Variants in PROX1 observed in about 807,000 individuals in gnomAD.
PROX1 encodes the protein prospero homeobox 1.
A neutral mutation model predicts 58.8 loss-of-function variants in PROX1; 7 were observed. That is an observed-to-expected ratio of 0.12 (90% CI 0.07 to 0.22). The LOEUF (loss-of-function observed/expected upper bound fraction) is 0.22, where lower values mean the gene tolerates loss of function less well. PROX1 is among the 10% of genes least tolerant of loss of function. PROX1 has a pLI of 1.00. For missense variants in PROX1, 675 were observed against 927.8 expected (o/e 0.73, Z 3.54); for synonymous variants, 350 against 358.3 (o/e 0.98, Z 0.26).
upstream of PROX1, chr1:213,984,481 G>A (rs1243111759): frequency 1.3e-5 from 2 of 152,254 alleles, no homozygotes; most frequent in African/African-American, 2.4e-5. Context: ...TCACTCAGGA[G>A]GCTTCTAAGC....
At chr1:214,024,820 T>C (rs1480518575) in intron 4 of PROX1, among the ~76,000 whole-genome samples, 4 of 152,200 alleles carry the variant, frequency 2.6e-5, no homozygotes, top group Admixed American at 1.3e-4. Flanking sequence ...GCTATGTTGT[T>C]TTTGGATAAT....
At chr1:214,005,947 T>C (rs1297268098) in intron 3 of PROX1, among the ~76,000 whole-genome samples, 1 of 151,834 alleles carries the variant, frequency 6.6e-6, no homozygotes, top group Non-Finnish European at 1.5e-5. Context: ...TGTATGCGTG[T>C]GTGTGTGTGT....
upstream of PROX1, chr1:213,985,243 C>T (rs1189677907): frequency 6.6e-6 from 1 of 152,232 alleles, no homozygotes; most frequent in African/African-American, 2.4e-5. Flanking sequence ...CTCCTTGTCT[C>T]CAGGCTTCTC....
chr1:213,997,358 T>C lies in PROX1; in HGVS notation c.823T>C (p.Ser275Pro), dbSNP rs1663308180. ...DSENDEDGNL[S>P]EDSMRSEILD... ...GGAAAATGATGAAGATGGTAACCTG[T>C]CTGAAGACAGCATGCGCTCGGAGAT... Residue 275 changes from serine (S) to proline (P), a missense_variant, in exon 2 of 5, where the codon TCT (serine) becomes CCT (proline). This residue lies in a region of PROX1 where 403 missense variants were observed against 477.4 expected (regional missense o/e 0.84). Coordinates refer to ENST00000366958, the MANE Select transcript of PROX1 (RefSeq NM_001270616.2). This position sits in a 1 kb window ranked among gnomAD's most constrained non-coding sequence, Gnocchi z 7.1. 1 of 1,613,954 alleles carries C rather than the reference T, an allele frequency of 6.2e-7. No homozygotes were observed.
intron 3 of PROX1, among the ~76,000 whole-genome samples, chr1:214,006,041 T>C (rs1456600261): frequency 6.6e-6 from 1 of 152,150 alleles, no homozygotes; most frequent in African/African-American, 2.4e-5. Context: ...TGTAACTTTT[T>C]AAAACATAGA....
chr1:214,038,511 A>G lies in PROX1; in HGVS notation c.*2677A>G, dbSNP rs539606792. 1 of 152,094 alleles carries G rather than the reference A, an allele frequency of 6.6e-6. No homozygotes were observed. The highest frequency in any genetic ancestry group is 1.9e-4 in the East Asian group (1 of 5,184). The allele number at this position is 152,094 out of a possible 1,614,324, so 9.4% of individuals were successfully genotyped here. A position where few individuals can be genotyped will look rare whatever the true frequency, so the allele number is the denominator to read the frequency against. On this transcript the variant is annotated 3_prime_UTR_variant, in exon 5 of 5. Coordinates refer to ENST00000366958, the MANE Select transcript of PROX1 (RefSeq NM_001270616.2). ...TGGTGAAGGATGAGGGACAGTTTAC[A>G]TAGGAAAAGAAAAAAAAAAGTCTAA...
At position 214,038,792 on chromosome 1, in the gene PROX1, G is replaced by C. The variant is rs745990737; in HGVS notation, c.*2958G>C. 4 of 151,998 alleles carry C rather than the reference G, an allele frequency of 2.6e-5. No homozygotes were observed. The highest frequency in any genetic ancestry group is 4.8e-5 in the African/African-American group (2 of 41,428). 9.4% of individuals were successfully genotyped at this position (151,998 alleles called of 1,614,324 possible). A position where few individuals can be genotyped will look rare whatever the true frequency, so the allele number is the denominator to read the frequency against. On this transcript the variant is annotated 3_prime_UTR_variant, in exon 5 of 5. Transcript: ENST00000366958. ...TAAACACTAGATTTTTTTTCTGGCTGTTTGACATAACGTTGATAGCTATGC... is the reference window on the plus strand; with the variant it reads ...TAAACACTAGATTTTTTTTCTGGCTCTTTGACATAACGTTGATAGCTATGC...
At chr1:214,033,904 T>A (rs1477576659) in intron 4 of PROX1, among the ~76,000 whole-genome samples, 2 of 152,122 alleles carry the variant, frequency 1.3e-5, no homozygotes, top group Non-Finnish European at 2.9e-5. Flanking sequence ...CTGTAGAAAA[T>A]CCACATGAAT....
chr1:214,018,458 A>G (rs964368504), intron 4 of PROX1, among the ~76,000 whole-genome samples: 2 of 152,184 alleles, frequency 1.3e-5, no homozygotes, highest in Non-Finnish European at 2.9e-5. Flanking sequence ...AAACAAACGC[A>G]TTTTGTCTTC....
intron 1 of PROX1, among the ~76,000 whole-genome samples, chr1:213,993,944 T>A (rs1353745439): frequency 6.6e-6 from 1 of 152,212 alleles, no homozygotes; most frequent in African/African-American, 2.4e-5. Flanking sequence ...GTTTGGTGAA[T>A]ATCAAGGGAG....
chr1:214,004,257 A>G (rs1354064401), intron 2 of PROX1, among the ~76,000 whole-genome samples: 2 of 152,216 alleles, frequency 1.3e-5, no homozygotes, highest in East Asian at 3.8e-4. Context: ...CTGGGGGAGA[A>G]TCAGGAAGCC....
Position 213,997,374 on chromosome 1 carries a change from G to C in PROX1, c.839G>C (p.Arg280Pro), listed in dbSNP as rs112763420. 7 of 1,614,080 alleles carry C rather than the reference G, an allele frequency of 4.3e-6. No individual in the cohort carries two copies. The highest frequency in any genetic ancestry group is 4.0e-5 in the African/African-American group (3 of 75,026). The change falls in exon 2 of 5, where the codon CGC becomes CCC. Residue 280 changes from arginine to proline, a missense_variant. Arg to Pro is a moderately radical substitution (Grantham distance 103, BLOSUM62 -2). This residue lies in a region of PROX1 where 403 missense variants were observed against 477.4 expected (regional missense o/e 0.84). Coordinates refer to ENST00000366958, the MANE Select transcript of PROX1 (RefSeq NM_001270616.2). The surrounding 1 kb of genome is among the most constrained non-coding windows in gnomAD (Gnocchi z 7.1). ...GGTAACCTGTCTGAAGACAGCATGC[G>C]CTCGGAGATCCTGGATGCCAGGGCC... Reference protein sequence around the residue: ...EDGNLSEDSMRSEILDARAQD... With the variant: ...EDGNLSEDSMPSEILDARAQD...
rs1261107438 is a variant in PROX1, at chr1:214,037,863, G to A, written c.*2029G>A. 6.6e-6 allele frequency: 1 copy of A among 152,236 alleles called. No homozygotes were observed. Among genetic ancestry groups the A allele is most frequent in the African/African-American group, 2.4e-5 (1 of 41,462 alleles). The allele number at this position is 152,236 out of a possible 1,614,324, so 9.4% of individuals were successfully genotyped here. On this transcript the variant is annotated 3_prime_UTR_variant, in exon 5 of 5. Coordinates refer to ENST00000366958, the MANE Select transcript of PROX1 (RefSeq NM_001270616.2). ...AATAGGGAAGTAATCCCAACTTGTA[G>A]TCACAGTTTTCTGACTGGCTTTGTT...
intron 4 of PROX1, among the ~76,000 whole-genome samples, chr1:214,016,507 C>T (rs1463638549): frequency 2.6e-5 from 4 of 152,052 alleles, no homozygotes; most frequent in Admixed American, 2.6e-4. Context: ...AGCTGCTGAG[C>T]CGTTTAAATA....
intron 1 of PROX1, among the ~76,000 whole-genome samples, chr1:213,988,929 C>T (rs1320562629): frequency 6.6e-6 from 1 of 151,946 alleles, no homozygotes; most frequent in African/African-American, 2.4e-5. Context: ...CGAGAGGGAC[C>T]GGGTCGCTTT....
chr1:214,040,206 T>TA lies in PROX1; in HGVS notation c.*4376dup, dbSNP rs1664966418. 1.3e-5 allele frequency: 2 copies of TA among 152,188 alleles called. No individual in the cohort carries two copies. The highest frequency in any genetic ancestry group is 2.1e-4 in the South Asian group (1 of 4,828). 9.4% of individuals were successfully genotyped at this position (152,188 alleles called of 1,614,324 possible). On this transcript the variant is annotated 3_prime_UTR_variant, in exon 5 of 5. Coordinates refer to ENST00000366958, the MANE Select transcript of PROX1 (RefSeq NM_001270616.2). ...AGATCTGTTGGTTGTAAACCATCTA[T>TA]AAAACTAAAGCTAAAATGCTCATAT...
chr1:214,002,412 CTTTT>C (rs774337530), intron 2 of PROX1, among the ~76,000 whole-genome samples: 3 of 116,372 alleles, frequency 2.6e-5, no homozygotes, highest in Admixed American at 9.6e-5. Context: ...TTTCTTTTTT[CTTTT>C]TTTTTTTTTT....
intron 4 of PROX1, among the ~76,000 whole-genome samples, chr1:214,031,362 C>G (rs1664651738): frequency 6.6e-6 from 1 of 152,206 alleles, no homozygotes; most frequent in African/African-American, 2.4e-5. Flanking sequence ...AGTTTCCACT[C>G]TCCTCTCCTG....
At chr1:213,991,057 C>G (rs1663017279) in intron 1 of PROX1, among the ~76,000 whole-genome samples, 1 of 152,012 alleles carries the variant, frequency 6.6e-6, no homozygotes, top group South Asian at 2.1e-4. Flanking sequence ...TGAGTATTTC[C>G]AAAATGAAAT....
Sources: allele counts gnomAD v4.1 joint callset (sites outside exome capture counted in the v4.1 genomes callset), GRCh38; gene constraint gnomAD v4.1.1; regional missense constraint gnomAD v4.1.1; non-coding constraint Gnocchi (gnomAD v3.1); transcripts MANE v1.5; gene names NCBI Gene and HGNC (gene_info 2026-07-23, HGNC 2026-07-21).